Variants in DLGAP1 observed in about 807,000 individuals in gnomAD.
DLGAP1 encodes the protein disks large-associated protein 1.
DLGAP1 carries 11 observed loss-of-function variants against 90.8 expected under a neutral mutation model. The ratio of observed to expected loss-of-function variants is 0.12; its 90% CI spans 0.08 to 0.20. DLGAP1 has a LOEUF of 0.20. Ranked by LOEUF, DLGAP1 falls within the 10% of genes least tolerant of loss-of-function variation. The probability of loss-of-function intolerance (pLI) is 1.00; values close to 1 mark genes in which losing one functional copy is unlikely to be tolerated. For missense variants in DLGAP1, 1,050 were observed against 1,333.8 expected (o/e 0.79, Z 3.31); for synonymous variants, 558 against 540.7 (o/e 1.03, Z -0.44).
At chr18:4,289,402 G>A (rs1333623022) in intron 1 of DLGAP1, among the ~76,000 whole-genome samples, 1 of 152,196 alleles carries the variant, frequency 6.6e-6, no homozygotes, top group Non-Finnish European at 1.5e-5. Flanking sequence ...TCTGAAGAAT[G>A]ACAGGAGTTA....
chr18:3,680,603 T>C (rs897912515), intron 7 of DLGAP1, among the ~76,000 whole-genome samples: 5 of 152,040 alleles, frequency 3.3e-5, no homozygotes, highest in Non-Finnish European at 5.9e-5. Flanking sequence ...CTGGCTAACA[T>C]GGTGAAACCC....
At chr18:4,339,345 A>G (rs2143828064) in intron 1 of DLGAP1, among the ~76,000 whole-genome samples, 1 of 152,192 alleles carries the variant, frequency 6.6e-6, no homozygotes, top group East Asian at 1.9e-4. Flanking sequence ...CCAGAGGGAG[A>G]GCATCAAGAC....
intron 2 of DLGAP1, among the ~76,000 whole-genome samples, chr18:4,076,735 T>G (rs767347730): frequency 1.5e-4 from 23 of 152,206 alleles, no homozygotes; most frequent in South Asian, 8.3e-4. Flanking sequence ...GCGATTCCCC[T>G]GCCTCAACCT....
At chr18:3,983,094 G>T (rs547819554) in intron 3 of DLGAP1, 1 of 152,046 alleles carries the variant, frequency 6.6e-6, no homozygotes, top group African/African-American at 2.4e-5. Context: ...AGAGTCAAAG[G>T]AATATAGAAA....
In DLGAP1 at chr18:4,345,741, C is replaced by T. The variant is rs770882812; in HGVS notation, c.-267+109265G>A. 3.3e-5 allele frequency among the ~76,000 whole-genome samples: 5 copies of T among 152,166 alleles called. No individual in the cohort carries two copies. In the South Asian group the frequency reaches 6.2e-4, roughly 19 times the overall value. On this transcript the variant is annotated intron_variant, in intron 1 of 12. Transcript: ENST00000315677. ...TAAACACCTCAATCGATGTTCAATG[C>T]CTTTTTGTGCTAGCCTACTTTTTCC...
At chr18:4,394,055 C>T (rs537799294) in intron 1 of DLGAP1, among the ~76,000 whole-genome samples, 1 of 152,206 alleles carries the variant, frequency 6.6e-6, no homozygotes, top group East Asian at 1.9e-4. Context: ...TGCTCTAGAA[C>T]AACTAATACG....
At chr18:4,392,975 T>A (rs1485211735) in intron 1 of DLGAP1, among the ~76,000 whole-genome samples, 1 of 152,174 alleles carries the variant, frequency 6.6e-6, no homozygotes, top group African/African-American at 2.4e-5. Context: ...AAGTCATGTG[T>A]ACTGTATTTC....
chr18:4,317,011 T>C (rs1361799360), intron 1 of DLGAP1, among the ~76,000 whole-genome samples: 1 of 142,098 alleles, frequency 7.0e-6, no homozygotes, highest in African/African-American at 2.6e-5. Context: ...CCAGGTCTAC[T>C]GGTGAGGTCC....
At chr18:4,232,091 C>T (rs115942723) in intron 1 of DLGAP1, among the ~76,000 whole-genome samples, 1 of 152,074 alleles carries the variant, frequency 6.6e-6, no homozygotes, top group Admixed American at 6.6e-5. Flanking sequence ...TATTAAATCA[C>T]GGATTCATTT....
intron 3 of DLGAP1, among the ~76,000 whole-genome samples, chr18:3,918,980 C>T (rs1440252067): frequency 6.6e-6 from 1 of 152,226 alleles, no homozygotes; most frequent in Non-Finnish European, 1.5e-5. Flanking sequence ...TACACACAGT[C>T]TATCGGAAAA....
At chr18:3,552,817 C>T (rs1169193551) in intron 9 of DLGAP1, among the ~76,000 whole-genome samples, 1 of 152,198 alleles carries the variant, frequency 6.6e-6, no homozygotes, top group Admixed American at 6.5e-5. Flanking sequence ...CGCCCAATGC[C>T]ACCCATCCAC....
chr18:3,597,813 AATAATTACCTGGATCTGG>A, intron 7 of DLGAP1: 1 of 154,386 alleles, frequency 6.5e-6, no homozygotes. Context: ...CACGATGAGG[AATAATTACCTGGATCTGG>A]AAAGCAGGCG....
intron 1 of DLGAP1, among the ~76,000 whole-genome samples, chr18:4,269,349 TA>T (rs1483042160): frequency 1.4e-3 from 183 of 131,370 alleles, no homozygotes; most frequent in African/African-American, 5.3e-3. Flanking sequence ...TATATATATA[TA>T]TATATTTTTT....
intron 7 of DLGAP1, among the ~76,000 whole-genome samples, chr18:3,592,574 C>A (rs1035646738): frequency 6.6e-6 from 1 of 152,020 alleles, no homozygotes; most frequent in Non-Finnish European, 1.5e-5. Context: ...TGTGGTGGCT[C>A]ACACCTGTAA....
intron 8 of DLGAP1, among the ~76,000 whole-genome samples, chr18:3,568,748 A>G (rs935415509): frequency 1.5e-4 from 23 of 151,440 alleles, no homozygotes; most frequent in Middle Eastern, 3.4e-3. Flanking sequence ...GTGCAGTGGC[A>G]CGATCTCGGC....
At chr18:3,514,108 T>G (rs2050693265) in intron 10 of DLGAP1, among the ~76,000 whole-genome samples, 1 of 99,730 alleles carries the variant, frequency 1.0e-5, no homozygotes, top group African/African-American at 2.7e-5. Flanking sequence ...TCTGACTGCT[T>G]CTTTTTTTTT....
At chr18:4,433,272 C>G (rs1314080957) in intron 1 of DLGAP1, among the ~76,000 whole-genome samples, 1 of 152,140 alleles carries the variant, frequency 6.6e-6, no homozygotes, top group African/African-American at 2.4e-5. Context: ...AATAAGGTGC[C>G]AGAAAGGGAC....
chr18:3,947,390 G>A (rs1455266008), intron 3 of DLGAP1, among the ~76,000 whole-genome samples: 1 of 152,128 alleles, frequency 6.6e-6, no homozygotes, highest in Admixed American at 6.6e-5. Context: ...AATGGTAGAT[G>A]TCTACCTCTC....
At chr18:3,873,506 T>A (rs1282914537) in intron 4 of DLGAP1, among the ~76,000 whole-genome samples, 1 of 152,182 alleles carries the variant, frequency 6.6e-6, no homozygotes, top group African/African-American at 2.4e-5. Context: ...GCCAAAGTCA[T>A]TAGCAGAACT....
Sources: gnomAD v4.1 joint callset for allele counts (sites outside exome capture counted in the v4.1 genomes callset) on GRCh38, gnomAD v4.1.1 for gene constraint, MANE v1.5 for transcripts, NCBI Gene and HGNC (gene_info 2026-07-23, HGNC 2026-07-21) for gene names.